AP2A1: variants seen among roughly 807,000 people sequenced by gnomAD.
AP2A1 encodes adaptor related protein complex 2 subunit alpha 1.
Under a neutral mutation model 107.3 loss-of-function variants are expected in AP2A1, and 21 were observed. The ratio of observed to expected loss-of-function variants is 0.20; its 90% confidence interval spans 0.14 to 0.28. The LOEUF (loss-of-function observed/expected upper bound fraction) is 0.28. AP2A1 is among the 10% of genes least tolerant of loss of function. The pLI is 1.00. For missense variants in AP2A1, 873 were observed against 1,307.7 expected, an observed-to-expected ratio of 0.67 and a Z score of 5.13; for synonymous variants, 602 against 564.8, an observed-to-expected ratio of 1.07 and a Z score of -0.93.
rs1317519633 is a variant in AP2A1, at chr19:49,801,390, C to T, written c.1554C>T (p.Ser518=). Residue 518 remains serine, a splice_region_variant and synonymous_variant, in exon 13 of 23, where the codon AGC becomes AGT. Transcript: ENST00000354293. ...GNLIAGDPRS[S]PPVQFSLLHS... ...CGCTGACACCCACTCCTGCACACAGCCCCCCAGTGCAGTTCTCCCTGCTCC... is the reference window on the plus strand; with the variant it reads ...CGCTGACACCCACTCCTGCACACAGTCCCCCAGTGCAGTTCTCCCTGCTCC... 2.5e-6 allele frequency: 4 copies of T among 1,612,210 alleles called. No homozygotes were observed. The highest frequency in any genetic ancestry group is 3.4e-6 in the Non-Finnish European group (4 of 1,179,340).
intron 10 of AP2A1, 101 bp downstream of exon 10, chr19:49,799,867 C>T: frequency 6.4e-7 from 1 of 1,560,000 alleles, no homozygotes; most frequent in East Asian, 2.3e-5. Context: ...GGGGCCTGGA[C>T]TCCTGGGTCT....
chr19:49,778,673 G>C (rs910671843), intron 1 of AP2A1, among the ~76,000 whole-genome samples: 1 of 152,156 alleles, frequency 6.6e-6, no homozygotes, highest in Non-Finnish European at 1.5e-5. Context: ...CATAGAAAAG[G>C]AGCAGTCGAA....
chr19:49,795,924 G>A (rs549312477), intron 7 of AP2A1, among the ~76,000 whole-genome samples, 186 bp downstream of exon 7: 4 of 152,246 alleles, frequency 2.6e-5, no homozygotes, highest in East Asian at 1.9e-4. Context: ...GAGGCCCAGC[G>A]CCTACCCTGT....
intron 7 of AP2A1, chr19:49,797,525 G>A (rs1316467043): frequency 6.6e-6 from 1 of 152,182 alleles, no homozygotes; most frequent in Non-Finnish European, 1.5e-5. Context: ...AGGAATTCGA[G>A]ACCAGTCTGG....
rs2073399841 is a variant in AP2A1, at chr19:49,806,740, G to A, written c.2850G>A (p.Leu950=). 9.3e-6 allele frequency: 15 copies of A among 1,613,632 alleles called. No homozygotes were observed. In the South Asian group the frequency reaches 1.4e-4, roughly 15 times the overall value. ...KEPVSRHLCE[L]LAQQF Reference sequence around the variant, plus strand: ...CCGTCTCCCGTCACCTGTGTGAGCTGCTGGCACAGCAGTTCTGAGCCCTGG... The same window carrying A: ...CCGTCTCCCGTCACCTGTGTGAGCTACTGGCACAGCAGTTCTGAGCCCTGG... The change falls in exon 23 of 23, where the codon CTG becomes CTA. Residue 950 remains leucine (L), a synonymous_variant. Coordinates refer to ENST00000354293, the MANE Select transcript of AP2A1 (RefSeq NM_130787.3).
chr19:49,798,658 G>A, intron 7 of AP2A1, 144 bp from the exon 8 acceptor site: 1 of 1,088,570 alleles, frequency 9.2e-7, no homozygotes, highest in East Asian at 2.6e-5. Context: ...CAGAGACCCT[G>A]GCCCTGAGCT....
In AP2A1 at chr19:49,799,681, T is replaced by C. The variant is rs1027601299; in HGVS notation, c.1187T>C (p.Met396Thr). 9.3e-6 allele frequency: 15 copies of C among 1,612,962 alleles called. No homozygotes were observed. The highest frequency in any genetic ancestry group is 1.3e-5 in the Non-Finnish European group (15 of 1,179,872). ...RQRAADLLYAMCDRSNAKQIV... is the reference protein window; with the variant it reads ...RQRAADLLYATCDRSNAKQIV... ...CGGGCGGCTGACCTCCTCTACGCCA[T>C]GTGTGACCGGAGCAATGCCAAGCAG... Residue 396 changes from methionine to threonine, a missense_variant, in exon 10 of 23, where the codon ATG (methionine) becomes ACG (threonine). This residue lies in a region of AP2A1 where 213 missense variants were observed against 443.5 expected (regional missense o/e 0.48). Transcript: ENST00000354293.
chr19:49,794,765 C>T (rs1295856617), intron 6 of AP2A1, among the ~76,000 whole-genome samples: 4 of 152,032 alleles, frequency 2.6e-5, no homozygotes, highest in Admixed American at 6.5e-5. Flanking sequence ...CGGGTTCAAG[C>T]AATTCTCCTG....
intron 4 of AP2A1, among the ~76,000 whole-genome samples, chr19:49,790,924 T>C (rs1289936258): frequency 6.6e-6 from 1 of 152,198 alleles, no homozygotes; most frequent in Non-Finnish European, 1.5e-5. Flanking sequence ...CGTGTTAACA[T>C]CACGCTGATT....
Position 49,801,557 on chromosome 19 carries a change from T to C in AP2A1, c.1721T>C (p.Val574Ala). ...RAGSQLRNAD[V>A]ELQQRAVEYL... ...GGCTCCCAGCTGCGCAATGCTGACG[T>C]GGAGCTGCAGCAGCGAGCCGTGGAG... Residue 574 changes from valine (V) to alanine (A), a missense_variant, in exon 13 of 23, where the codon GTG becomes GCG. By Grantham distance (64) the Val-to-Ala change is moderately conservative. Around this residue, in one of 4 missense-constraint regions of AP2A1, gnomAD observed 213 missense variants for 443.5 expected, o/e 0.48. Coordinates refer to ENST00000354293, the MANE Select transcript of AP2A1 (RefSeq NM_130787.3). 6.2e-7 allele frequency: 1 copy of C among 1,613,204 alleles called. No individual in the cohort carries two copies. Among genetic ancestry groups the C allele is most frequent in the Non-Finnish European group, 8.5e-7 (1 of 1,179,798 alleles).
Position 49,793,043 on chromosome 19 carries a change from C to A in AP2A1, c.656C>A (p.Pro219Gln). The A allele has an allele frequency of 6.2e-7, 1 of 1,610,892 alleles. No homozygotes were observed. The change falls in exon 6 of 23, where the codon CCA (proline) becomes CAA (glutamine). Residue 219 changes from proline (P) to glutamine (Q), a missense_variant. Physicochemically the swap from Pro to Gln is moderately conservative, Grantham distance 76 (BLOSUM62 -1). This residue lies in a region of AP2A1 where 157 missense variants were observed against 212.6 expected (regional missense o/e 0.74). Coordinates refer to ENST00000354293, the MANE Select transcript of AP2A1 (RefSeq NM_130787.3). ...SLITCLCKKN[P>Q]DDFKTCVSLA... ...ATCACCTGTCTCTGCAAGAAGAACC[C>A]AGATGACTTCAAGACGTGCGTCTCT...
chr19:49,790,505 C>G (rs2073128605), intron 4 of AP2A1, among the ~76,000 whole-genome samples: 1 of 152,134 alleles, frequency 6.6e-6, no homozygotes, highest in Non-Finnish European at 1.5e-5. Flanking sequence ...CTAAAGCGAT[C>G]CTCCCACCTC....
In AP2A1 at chr19:49,802,034, G is replaced by A. The variant is rs1405420803; in HGVS notation, c.2007G>A (p.Pro669=). 7.6e-6 allele frequency: 12 copies of A among 1,569,234 alleles called. No homozygotes were observed. In the South Asian group the frequency reaches 1.0e-4, roughly 14 times the overall value. Residue 669 remains proline (P), a synonymous_variant, in exon 15 of 23, where the codon CCG becomes CCA. Coordinates refer to ENST00000354293, the MANE Select transcript of AP2A1 (RefSeq NM_130787.3). ...TGGGGCTGCGGGCAGCCCCTCCCCC[G>A]GCAGCACCCCCGGCTTCTGCAGGAG... ...DLLGLRAAPP[P]AAPPASAGAG...
chr19:49,778,258 C>T (rs980753801), intron 1 of AP2A1, among the ~76,000 whole-genome samples: 3 of 152,280 alleles, frequency 2.0e-5, no homozygotes, highest in South Asian at 2.1e-4. Context: ...CACTGAGGCT[C>T]TGTGGCGCAG....
intron 1 of AP2A1, among the ~76,000 whole-genome samples, chr19:49,770,295 T>G (rs1288294174): frequency 6.6e-6 from 1 of 151,930 alleles, no homozygotes; most frequent in Non-Finnish European, 1.5e-5. Context: ...AGAGGGGAGA[T>G]GCAGGCTTGG....
At position 49,805,978 on chromosome 19, in the gene AP2A1, G is replaced by A. The variant is rs533560036; in HGVS notation, c.2655+37G>A. The A allele has an allele frequency of 9.9e-5, 159 of 1,613,432 alleles. 1 individual carries two copies. The South Asian group carries it at 1.6e-3, about 16-fold the overall frequency. ...CGGGCGTGTTTGCCGGCCTATGGCTGCTTTGCTTCTCTGAGCCTCTGTTTT... is the reference window on the plus strand; with the variant it reads ...CGGGCGTGTTTGCCGGCCTATGGCTACTTTGCTTCTCTGAGCCTCTGTTTT... On this transcript the variant is annotated intron_variant, in intron 21 of 22. Transcript: ENST00000354293.
chr19:49,785,863 G>C lies in AP2A1; in HGVS notation c.473+3139G>C, dbSNP rs542731398. On this transcript the variant is annotated intron_variant, in intron 4 of 22. Transcript: ENST00000354293. This position sits in a 1 kb window ranked among gnomAD's most constrained non-coding sequence, Gnocchi z 4.1. ...ACCCAGGAGGTGGAGGTTGCAGTGAGTGGAGATTGTGCCACTGCACTCCAG... is the reference window on the plus strand; with the variant it reads ...ACCCAGGAGGTGGAGGTTGCAGTGACTGGAGATTGTGCCACTGCACTCCAG... 1.2e-3 allele frequency among the ~76,000 whole-genome samples: 182 copies of C among 152,116 alleles called. No individual in the cohort carries two copies. The highest frequency in any genetic ancestry group is 4.2e-3 in the African/African-American group (175 of 41,512).
rs375208409 is a variant in AP2A1, at chr19:49,793,073, C to T, written c.686C>T (p.Ala229Val). Reference sequence around the variant, plus strand: ...GACTTCAAGACGTGCGTCTCTCTGGCTGTGTCGCGCCTGAGCCGGGTGGGT... The same window carrying T: ...GACTTCAAGACGTGCGTCTCTCTGGTTGTGTCGCGCCTGAGCCGGGTGGGT... ...PDDFKTCVSL[A>V]VSRLSRIVSS... The change falls in exon 6 of 23, where the codon GCT (alanine) becomes GTT (valine). Residue 229 changes from alanine (A) to valine (V), a missense_variant. Physicochemically the swap from Ala to Val is moderately conservative, Grantham distance 64. Around this residue, in one of 4 missense-constraint regions of AP2A1, gnomAD observed 157 missense variants for 212.6 expected, o/e 0.74. Coordinates refer to ENST00000354293, the MANE Select transcript of AP2A1 (RefSeq NM_130787.3). 7 of 1,607,602 alleles carry T rather than the reference C, an allele frequency of 4.4e-6. No homozygotes were observed. In the Admixed American group the frequency reaches 1.2e-4, roughly 27 times the overall value.
At chr19:49,780,628 AG>A (rs1384998323) in intron 1 of AP2A1, among the ~76,000 whole-genome samples, 1 of 152,136 alleles carries the variant, frequency 6.6e-6, no homozygotes. Context: ...GCTGGAGGGG[AG>A]GCTGCTTCAC....
Sources: gnomAD v4.1 joint callset for allele counts (sites outside exome capture counted in the v4.1 genomes callset) on GRCh38, gnomAD v4.1.1 for gene constraint, gnomAD v4.1.1 regional missense constraint, Gnocchi (gnomAD v3.1) non-coding constraint, MANE v1.5 for transcripts, NCBI Gene and HGNC (gene_info 2026-07-23, HGNC 2026-07-21) for gene names.